PLEKHH2: variants seen among roughly 807,000 people sequenced by gnomAD.
PLEKHH2 encodes pleckstrin homology, MyTH4 and FERM domain containing H2.
A neutral mutation model predicts 187.9 loss-of-function variants in PLEKHH2; 129 were observed. The observed-to-expected ratio is 0.69, with a 90% CI of 0.59 to 0.79. PLEKHH2 has a LOEUF of 0.79. Among genes scored for constraint, PLEKHH2 ranks in the 30% least tolerant of loss-of-function variants. PLEKHH2 has a pLI of 0.00. For missense variants in PLEKHH2, 2,076 were observed against 1,751.2 expected, an observed-to-expected ratio of 1.19 and a Z score of -3.31; for synonymous variants, 686 against 605.6, an observed-to-expected ratio of 1.13 and a Z score of -1.95.
chr2:43,677,901 GGACGGGGCGGC>G (rs1667919985), intron 2 of PLEKHH2, among the ~76,000 whole-genome samples: 1 of 146,852 alleles, frequency 6.8e-6, no homozygotes, highest in Non-Finnish European at 1.5e-5. Flanking sequence ...CCTCCCTCCA[GGACGGGGCGGC>G]TGGCCGGGCG....
intron 25 of PLEKHH2, among the ~76,000 whole-genome samples, chr2:43,755,314 G>A (rs1672173807): frequency 6.6e-6 from 1 of 151,982 alleles, no homozygotes. Context: ...CCTCACTTTG[G>A]CCCTTTTCCA....
chr2:43,676,056 C>T, intron 2 of PLEKHH2: 3 of 1,613,938 alleles, frequency 1.9e-6, no homozygotes, highest in Non-Finnish European at 2.5e-6. Context: ...TGGTCCAGGT[C>T]TCTTTCAGTA....
At chr2:43,725,143 A>G (rs983586236) in intron 16 of PLEKHH2, among the ~76,000 whole-genome samples, 2 of 152,204 alleles carry the variant, frequency 1.3e-5, no homozygotes, top group African/African-American at 2.4e-5. Context: ...AGTTGGAACC[A>G]GGTGTGCTAT....
intron 15 of PLEKHH2, 101 bp from the exon 16 acceptor site, chr2:43,720,568 C>A: frequency 1.3e-6 from 2 of 1,542,746 alleles, no homozygotes; most frequent in East Asian, 4.6e-5. Flanking sequence ...TATATCTGGG[C>A]AAACTGGATG....
chr2:43,759,392 G>T (rs1672342728), intron 27 of PLEKHH2, among the ~76,000 whole-genome samples: 1 of 152,114 alleles, frequency 6.6e-6, no homozygotes. Context: ...TAAGCTCTAG[G>T]GATACATAAC....
At chr2:43,760,261 TTTTC>T (rs1460088341) in intron 27 of PLEKHH2, among the ~76,000 whole-genome samples, 5 of 152,150 alleles carry the variant, frequency 3.3e-5, no homozygotes, top group African/African-American at 4.8e-5. Context: ...TTTTGCTCAC[TTTTC>T]TTTCTTTATA....
In PLEKHH2 at chr2:43,764,273, G is replaced by A. The variant is rs1672539018; in HGVS notation, c.4204G>A (p.Gly1402Ser). 6.3e-7 allele frequency: 1 copy of A among 1,585,750 alleles called. No individual in the cohort carries two copies. Among genetic ancestry groups the A allele is most frequent in the Non-Finnish European group, 8.6e-7 (1 of 1,163,700 alleles). Residue 1402 changes from glycine to serine, a missense_variant, in exon 29 of 30, where the codon GGC becomes AGC. By Grantham distance (56) the Gly-to-Ser change is moderately conservative. Coordinates refer to ENST00000282406, the MANE Select transcript of PLEKHH2 (RefSeq NM_172069.4). The stretch of plus-strand genomic sequence containing the variant: ...GTACAAGAGTCTAATGACCTTTGGA[G>A]GCTATCAAGATGATTTTATGGTAGT... ...YVYKSLMTFG[G>S]YQDDFMVVIN...
chr2:43,700,718 T>C, intron 8 of PLEKHH2, 110 bp downstream of exon 8: 1 of 1,370,170 alleles, frequency 7.3e-7, no homozygotes, highest in South Asian at 1.4e-5. Context: ...AGTGGCGCGA[T>C]CTTGGCTCAC....
At chr2:43,666,492 T>C (rs1667222601) in intron 2 of PLEKHH2, among the ~76,000 whole-genome samples, 1 of 152,114 alleles carries the variant, frequency 6.6e-6, no homozygotes, top group Non-Finnish European at 1.5e-5. Flanking sequence ...CCATCTTGGC[T>C]CCTCCCCCAA....
chr2:43,703,913 AGTC>A, intron 8 of PLEKHH2, 65 bp from the exon 9 acceptor site: 3 of 777,840 alleles, frequency 3.9e-6, no homozygotes, highest in Non-Finnish European at 4.0e-6. Context: ...TATTGAAAGT[AGTC>A]TTTTTTTTTT....
rs1378254169 is a variant in PLEKHH2, at chr2:43,764,348, G to A, written c.4279G>A (p.Ala1427Thr). The A allele has an allele frequency of 6.2e-7, 1 of 1,611,780 alleles. No individual in the cohort carries two copies. The highest frequency in any genetic ancestry group is 8.5e-7 in the Non-Finnish European group (1 of 1,179,152). The stretch of plus-strand genomic sequence containing the variant: ...CAAACCAACAGAGAAATTACTTTTT[G>A]CCATGGCAAAACCCAAGGTGAGTAG... Reference protein sequence around the residue: ...KDKPTEKLLFAMAKPKILEIT... With the variant: ...KDKPTEKLLFTMAKPKILEIT... The change falls in exon 29 of 30, where the codon GCC becomes ACC. Residue 1427 changes from alanine to threonine, a missense_variant. Transcript: ENST00000282406.
intron 15 of PLEKHH2, among the ~76,000 whole-genome samples, chr2:43,714,160 T>A (rs534094497): frequency 2.0e-5 from 3 of 152,194 alleles, no homozygotes; most frequent in Non-Finnish European, 4.4e-5. Context: ...CCCTGAGAGT[T>A]TAAGATGATC....
At chr2:43,642,666 GA>G (rs1010161689) in intron 1 of PLEKHH2, among the ~76,000 whole-genome samples, 59 of 152,238 alleles carry the variant, frequency 3.9e-4, no homozygotes, top group African/African-American at 1.4e-3. Context: ...TTTTTATCAT[GA>G]AGGGGTGTTG....
chr2:43,745,447 A>C (rs1191441177), intron 23 of PLEKHH2, among the ~76,000 whole-genome samples: 2 of 152,202 alleles, frequency 1.3e-5, no homozygotes, highest in African/African-American at 4.8e-5. Context: ...AAATAGCTAG[A>C]CCTGGGTCTA....
At chr2:43,717,954 C>G (rs1415681337) in intron 15 of PLEKHH2, among the ~76,000 whole-genome samples, 1 of 152,156 alleles carries the variant, frequency 6.6e-6, no homozygotes, top group East Asian at 1.9e-4. Context: ...GTCAGCAAGG[C>G]TGGTGGCAGG....
At chr2:43,640,032 T>C (rs923997680) in intron 1 of PLEKHH2, among the ~76,000 whole-genome samples, 18 of 152,140 alleles carry the variant, frequency 1.2e-4, no homozygotes, top group Non-Finnish European at 1.3e-4. Context: ...ATGAATAATG[T>C]TGCTCTGAAC....
intron 7 of PLEKHH2, among the ~76,000 whole-genome samples, chr2:43,698,870 G>A (rs1270962751): frequency 6.6e-6 from 1 of 152,114 alleles, no homozygotes; most frequent in Non-Finnish European, 1.5e-5. Flanking sequence ...TATTTTTAAA[G>A]AGTGTTATTC....
At chr2:43,637,846 C>T (rs1309863988) in intron 1 of PLEKHH2, among the ~76,000 whole-genome samples, 1 of 152,200 alleles carries the variant, frequency 6.6e-6, no homozygotes, top group Non-Finnish European at 1.5e-5. Context: ...TTTAAAGAAG[C>T]ATTTTGTACA....
At chr2:43,643,007 T>C (rs1263717368) in intron 1 of PLEKHH2, among the ~76,000 whole-genome samples, 1 of 152,136 alleles carries the variant, frequency 6.6e-6, no homozygotes, top group Admixed American at 6.5e-5. Context: ...CTTTTTATTT[T>C]CTAGTATTGC....
Sources: gnomAD v4.1 joint callset for allele counts (sites outside exome capture counted in the v4.1 genomes callset) on GRCh38, gnomAD v4.1.1 for gene constraint, MANE v1.5 for transcripts, NCBI Gene and HGNC (gene_info 2026-07-23, HGNC 2026-07-21) for gene names.